Variants in CEP112 observed in about 807,000 individuals in gnomAD.
The protein encoded by CEP112 is centrosomal protein of 112 kDa.
In CEP112, 127 loss-of-function variants were observed where a neutral mutation model predicts 153.0. The observed-to-expected ratio is 0.83, with a 90% CI of 0.72 to 0.96. The LOEUF (loss-of-function observed/expected upper bound fraction) is 0.96, where lower values mean the gene tolerates loss of function less well. CEP112 is among the 40% of genes least tolerant of loss of function. The pLI is 0.00. For missense variants in CEP112, 1,089 were observed against 1,101.2 expected (o/e 0.99, Z 0.16); for synonymous variants, 358 against 374.4 (o/e 0.96, Z 0.51).
At chr17:66,085,481 A>G (rs1446250454) in intron 8 of CEP112, among the ~76,000 whole-genome samples, 3 of 152,192 alleles carry the variant, frequency 2.0e-5, no homozygotes, top group Non-Finnish European at 4.4e-5. Flanking sequence ...GAAAAGACAC[A>G]TAATACACAA....
chr17:65,967,255 T>A (rs1453860029), intron 17 of CEP112, among the ~76,000 whole-genome samples: 2 of 152,174 alleles, frequency 1.3e-5, no homozygotes, highest in African/African-American at 2.4e-5. Flanking sequence ...ATGAAGAATC[T>A]TCTTAAACAA....
At chr17:66,092,042 T>TA (rs1241004303) in intron 8 of CEP112, among the ~76,000 whole-genome samples, 1 of 129,944 alleles carries the variant, frequency 7.7e-6, no homozygotes, top group Admixed American at 9.7e-5. Context: ...TTTATGTATT[T>TA]ACTTTTTTTT....
rs571418947 is a variant in CEP112, at chr17:66,057,530, G to C, written c.1075-3651C>G. 2.0e-5 allele frequency among the ~76,000 whole-genome samples: 3 copies of C among 152,200 alleles called. No homozygotes were observed. The East Asian group carries it at 5.8e-4, about 29-fold the overall frequency. ...CAGACCAAGGAGAGATTTTAAATAG[G>C]TAGTTGAATAACTGGGACTTAAGGT... On this transcript the variant is annotated intron_variant, in intron 11 of 26. Coordinates refer to ENST00000535342, the MANE Select transcript of CEP112 (RefSeq NM_001199165.4).
intron 21 of CEP112, among the ~76,000 whole-genome samples, chr17:65,821,439 CAATCTGGGGCTTCCAATACTTAAAA>C (rs1161875527): frequency 7.2e-6 from 1 of 139,514 alleles, no homozygotes; most frequent in East Asian, 2.1e-4. Flanking sequence ...ATTTTCTACA[CAATCTGGGGCTTCCAATACTTAAAA>C]AATTATCAAA....
chr17:65,970,044 T>G (rs2062608612), intron 17 of CEP112, among the ~76,000 whole-genome samples: 1 of 152,222 alleles, frequency 6.6e-6, no homozygotes, highest in African/African-American at 2.4e-5. Context: ...GCATATTGCA[T>G]GCATGCCACA....
chr17:65,836,582 T>C (rs773709263), intron 21 of CEP112, among the ~76,000 whole-genome samples: 4 of 152,066 alleles, frequency 2.6e-5, no homozygotes, highest in Non-Finnish European at 5.9e-5. Flanking sequence ...GATAATATAA[T>C]AATTGTAAAT....
intron 21 of CEP112, among the ~76,000 whole-genome samples, chr17:65,759,644 A>G (rs2052493462): frequency 1.3e-5 from 2 of 152,220 alleles, no homozygotes; most frequent in Admixed American, 1.3e-4. Context: ...GTAAACAATG[A>G]GAAAACTGGA....
chr17:65,989,669 T>C (rs2063527658), intron 17 of CEP112, among the ~76,000 whole-genome samples: 1 of 152,098 alleles, frequency 6.6e-6, no homozygotes, highest in Non-Finnish European at 1.5e-5. Flanking sequence ...AAAGAAAACA[T>C]TTGAAGGTAA....
At chr17:65,971,528 A>G (rs544577063) in intron 17 of CEP112, among the ~76,000 whole-genome samples, 13 of 149,698 alleles carry the variant, frequency 8.7e-5, no homozygotes, top group South Asian at 4.3e-4. Flanking sequence ...CATGTGTATC[A>G]CCTAAATGTA....
chr17:65,679,908 A>G (rs756846878), intron 24 of CEP112, among the ~76,000 whole-genome samples: 26 of 152,234 alleles, frequency 1.7e-4, no homozygotes, highest in Non-Finnish European at 2.6e-4. Flanking sequence ...GAGCTTCCAG[A>G]GTCGTCTAAT....
intron 19 of CEP112, among the ~76,000 whole-genome samples, chr17:65,915,787 CAAAAAAAAAA>C (rs755351021): frequency 5.3e-5 from 3 of 56,590 alleles, no homozygotes; most frequent in Admixed American, 1.9e-4. Context: ...GACTCAAACT[CAAAAAAAAAA>C]AAAAAAAAAA....
intron 20 of CEP112, among the ~76,000 whole-genome samples, chr17:65,853,979 T>G (rs2146329360): frequency 6.6e-6 from 1 of 152,364 alleles, no homozygotes; most frequent in East Asian, 1.9e-4. Flanking sequence ...CTGTATTTTC[T>G]ACAGTTTTCA....
intron 21 of CEP112, among the ~76,000 whole-genome samples, chr17:65,772,757 C>T (rs921451162): frequency 6.6e-6 from 1 of 151,846 alleles, no homozygotes; most frequent in African/African-American, 2.4e-5. Context: ...AGGGAAGAGA[C>T]AGATGAGTGA....
At chr17:65,712,329 G>A (rs2049238788) in intron 23 of CEP112, among the ~76,000 whole-genome samples, 1 of 152,166 alleles carries the variant, frequency 6.6e-6, no homozygotes, top group Admixed American at 6.5e-5. Context: ...ATATACAGAA[G>A]ATGAATAGCG....
chr17:66,051,611 T>C (rs2145918047), intron 12 of CEP112, among the ~76,000 whole-genome samples: 1 of 152,262 alleles, frequency 6.6e-6, no homozygotes, highest in Admixed American at 6.5e-5. Flanking sequence ...TCATTTCTTT[T>C]TCAATGTGAG....
At chr17:66,004,373 C>A (rs2064185336) in intron 17 of CEP112, among the ~76,000 whole-genome samples, 1 of 152,042 alleles carries the variant, frequency 6.6e-6, no homozygotes, top group Non-Finnish European at 1.5e-5. Flanking sequence ...TGCCTGTAAT[C>A]CCAACTACTC....
At chr17:66,166,365 A>G (rs1452956878) in intron 4 of CEP112, among the ~76,000 whole-genome samples, 5 of 152,296 alleles carry the variant, frequency 3.3e-5, no homozygotes, top group African/African-American at 1.2e-4. Context: ...AGTAAAAATA[A>G]TAAGTGCTAT....
intron 18 of CEP112, among the ~76,000 whole-genome samples, chr17:65,936,894 T>G (rs2061330089): frequency 6.8e-6 from 1 of 147,946 alleles, no homozygotes; most frequent in South Asian, 2.3e-4. Flanking sequence ...TGCCACCGTC[T>G]CGGCTCACTG....
At chr17:65,681,973 C>T (rs2047555644) in intron 24 of CEP112, among the ~76,000 whole-genome samples, 1 of 151,776 alleles carries the variant, frequency 6.6e-6, no homozygotes, top group Non-Finnish European at 1.5e-5. Flanking sequence ...AGTCACCACG[C>T]CAGGCCTGAA....
Sources: allele counts gnomAD v4.1 joint callset (sites outside exome capture counted in the v4.1 genomes callset), GRCh38; gene constraint gnomAD v4.1.1; transcripts MANE v1.5; gene names NCBI Gene and HGNC (gene_info 2026-07-23, HGNC 2026-07-21).